INSL6: variants seen among roughly 807,000 people sequenced by gnomAD.
INSL6 encodes the protein insulin-like peptide INSL6.
Under a neutral mutation model 9.4 loss-of-function variants are expected in INSL6, and 16 were observed. The observed-to-expected ratio is 1.70, with a 90% CI of 1.15 to 2.59. The LOEUF (loss-of-function observed/expected upper bound fraction) is 2.59. INSL6 is among the 30% of genes most tolerant of loss of function. The pLI, the probability that INSL6 is intolerant of heterozygous loss-of-function variation, is 0.00. For synonymous variants in INSL6, 154 were observed against 96.9 expected (o/e 1.59, Z -3.46); for missense variants, 391 against 257.3 (o/e 1.52, Z -3.56).
At chr9:5,170,440 T>G (rs116084167) in intron 1 of INSL6, among the ~76,000 whole-genome samples, 1 of 151,248 alleles carries the variant, frequency 6.6e-6, no homozygotes, top group Non-Finnish European at 1.5e-5. Context: ...CCAAAAGAAG[T>G]AGAGAACCAA....
At chr9:5,126,431 T>C in intron 3 of INSL6, 1 of 1,606,844 alleles carries the variant, frequency 6.2e-7, no homozygotes, top group Non-Finnish European at 8.5e-7. Flanking sequence ...CAAGACCAGA[T>C]GGATGCCCAG....
chr9:5,090,462 AT>A, the INSL6 span: 1 of 1,566,326 alleles, frequency 6.4e-7, no homozygotes, highest in Non-Finnish European at 8.7e-7. Flanking sequence ...GTAATCTAAA[AT>A]TAATTATGGA....
chr9:5,114,096 C>T, the INSL6 span: 1 of 336,188 alleles, frequency 3.0e-6, no homozygotes, highest in Non-Finnish European at 5.9e-6. Flanking sequence ...GCGCTGGCTG[C>T]CCGACCACAC....
At chr9:5,129,642 T>TTAAAG (rs1209339954) in intron 3 of INSL6, among the ~76,000 whole-genome samples, 1 of 152,128 alleles carries the variant, frequency 6.6e-6, no homozygotes, top group East Asian at 1.9e-4. Context: ...AAAAAAACAA[T>TTAAAG]TAAAGTATGA....
the INSL6 span, among the ~76,000 whole-genome samples, chr9:5,087,155 C>T: frequency 6.6e-6 from 1 of 152,172 alleles, no homozygotes; most frequent in African/African-American, 2.4e-5. Flanking sequence ...TAAAGACATA[C>T]CCGAGACTGG....
the INSL6 span, among the ~76,000 whole-genome samples, chr9:5,081,076 T>C: frequency 2.0e-5 from 3 of 151,946 alleles, no homozygotes; most frequent in South Asian, 4.2e-4. Context: ...TTTGTATTTT[T>C]AGTAGAGACG....
intron 2 of INSL6, among the ~76,000 whole-genome samples, chr9:5,158,252 G>C (rs1239895570): frequency 2.0e-5 from 3 of 152,156 alleles, no homozygotes; most frequent in African/African-American, 7.2e-5. Flanking sequence ...TTGAAAGGGT[G>C]GGGGGAGTGG....
At chr9:5,080,796 C>T in the INSL6 span, 11 of 703,504 alleles carry the variant, frequency 1.6e-5, no homozygotes, top group African/African-American at 1.9e-4. Context: ...CATTTGGGCC[C>T]TCTTAATTTC....
At chr9:5,046,492 ACCTT>A in the INSL6 span, among the ~76,000 whole-genome samples, 14 of 152,004 alleles carry the variant, frequency 9.2e-5, no homozygotes, top group South Asian at 6.2e-4. Flanking sequence ...AATGTTATGA[ACCTT>A]TCTTTCTGTT....
chr9:5,094,765 T>C, the INSL6 span: 2 of 152,168 alleles, frequency 1.3e-5, no homozygotes, highest in African/African-American at 2.4e-5. Flanking sequence ...ATGAATATTA[T>C]TGTATAAATG....
At chr9:5,094,397 C>T in the INSL6 span, 10 of 152,170 alleles carry the variant, frequency 6.6e-5, no homozygotes, top group African/African-American at 2.2e-4. Flanking sequence ...ATTCTAGCCA[C>T]ATCAAGCCTA....
the INSL6 span, among the ~76,000 whole-genome samples, chr9:5,049,433 T>C: frequency 2.0e-5 from 3 of 152,258 alleles, no homozygotes; most frequent in African/African-American, 7.2e-5. Context: ...TCATTCCTTC[T>C]ATTTCTTTAC....
the INSL6 span, among the ~76,000 whole-genome samples, chr9:5,017,756 C>G: frequency 6.6e-6 from 1 of 152,122 alleles, no homozygotes; most frequent in Non-Finnish European, 1.5e-5. Flanking sequence ...TGCAGATGAA[C>G]TTCAAAAATC....
the INSL6 span, chr9:5,073,597 AAGT>A: frequency 1.2e-6 from 1 of 856,110 alleles, no homozygotes; most frequent in Non-Finnish European, 1.9e-6. Flanking sequence ...GTCATGCTGA[AAGT>A]AGGAGAAAGT....
At chr9:5,174,629 G>A (rs1476538958) in intron 1 of INSL6, among the ~76,000 whole-genome samples, 1 of 152,122 alleles carries the variant, frequency 6.6e-6, no homozygotes, top group Non-Finnish European at 1.5e-5. Flanking sequence ...CTCTTCTGGT[G>A]ATCTCCTCTA....
At chr9:5,152,018 CAAG>C (rs1175099470) in intron 2 of INSL6, among the ~76,000 whole-genome samples, 1 of 151,826 alleles carries the variant, frequency 6.6e-6, no homozygotes, top group Non-Finnish European at 1.5e-5. Flanking sequence ...TATAATGACA[CAAG>C]AATCAATTTA....
chr9:5,061,521 C>T, the INSL6 span, among the ~76,000 whole-genome samples: 1 of 152,202 alleles, frequency 6.6e-6, no homozygotes, highest in African/African-American at 2.4e-5. Context: ...CCTCTGCTAG[C>T]TTCCAACTTT....
At chr9:5,099,100 C>T in the INSL6 span, 3 of 152,178 alleles carry the variant, frequency 2.0e-5, no homozygotes, top group Admixed American at 2.0e-4. Context: ...AATACCCATC[C>T]ATATATTAAT....
At chr9:5,134,798 G>C (rs1252607821) in intron 2 of INSL6, among the ~76,000 whole-genome samples, 1 of 152,130 alleles carries the variant, frequency 6.6e-6, no homozygotes, top group Non-Finnish European at 1.5e-5. Context: ...AAAATAATCA[G>C]CTAGCATCAT....
Sources: allele counts gnomAD v4.1 joint callset (sites outside exome capture counted in the v4.1 genomes callset), GRCh38; gene constraint gnomAD v4.1.1; transcripts MANE v1.5; gene names NCBI Gene and HGNC (gene_info 2026-07-23, HGNC 2026-07-21).